CFAP47: variants seen among roughly 807,000 people sequenced by gnomAD.
The protein encoded by CFAP47 is cilia- and flagella-associated protein 47.
In CFAP47, 29 loss-of-function variants were observed where a neutral mutation model predicts 148.1. The observed-to-expected ratio is 0.20, with a 90% CI of 0.15 to 0.27. The LOEUF is 0.27. CFAP47 is among the 10% of genes least tolerant of loss of function. The probability of loss-of-function intolerance (pLI) is 1.00; values close to 1 mark genes in which losing one functional copy is unlikely to be tolerated. For missense variants in CFAP47, 1,872 were observed against 1,697.5 expected, an observed-to-expected ratio of 1.10 and a Z score of -1.81; for synonymous variants, 664 against 577.3, an observed-to-expected ratio of 1.15 and a Z score of -2.15.
chrX:36,299,798 G>C (rs1269264403), intron 52 of CFAP47, among the ~76,000 whole-genome samples: 1 of 111,627 alleles, frequency 9.0e-6, no homozygotes, highest in African/African-American at 3.3e-5. Flanking sequence ...ACATCCTTCA[G>C]AATAACTCTT....
chrX:36,229,740 C>T (rs1940317769), intron 46 of CFAP47, among the ~76,000 whole-genome samples: 1 of 106,713 alleles, frequency 9.4e-6, no homozygotes, highest in African/African-American at 3.4e-5. Context: ...AGGTATATCT[C>T]CTAAAGCTAT....
Position 36,099,478 on chromosome X carries a change from G to C in CFAP47, c.4999-273G>C, listed in dbSNP as rs1601977017. On this transcript the variant is annotated intron_variant, in intron 31 of 63. Coordinates refer to ENST00000378653, the MANE Select transcript of CFAP47 (RefSeq NM_001304548.2). ...TATCCAAAGGGTGTGATTCTTTCTT[G>C]GCTCAGCAATCAGAAGAACTTCGTA... Among the ~76,000 whole-genome samples, 3 of 106,496 alleles carry C rather than the reference G, an allele frequency of 2.8e-5. No homozygotes were observed. In the Admixed American group the frequency reaches 3.2e-4, roughly 11 times the overall value. The allele number at this position is 106,496 out of a possible 115,157, so 92.5% of individuals were successfully genotyped here.
chrX:36,094,342 T>C (rs1938238132), intron 30 of CFAP47, among the ~76,000 whole-genome samples: 1 of 111,468 alleles, frequency 9.0e-6, no homozygotes. Context: ...TTAAGATAGC[T>C]TTGGCTATTC....
intron 49 of CFAP47, among the ~76,000 whole-genome samples, chrX:36,275,868 C>T (rs782538128): frequency 1.5e-4 from 17 of 111,106 alleles, no homozygotes; most frequent in African/African-American, 5.2e-4. Context: ...TCAATATCCT[C>T]ACAGTTTTGT....
rs760584209 is a variant in CFAP47 at position 35,973,221 on chromosome X, G to A, written c.2254+1256G>A. Among the ~76,000 whole-genome samples, 423 of 110,801 alleles carry A rather than the reference G, an allele frequency of 3.8e-3. 1 individual carries two copies. Among genetic ancestry groups the A allele is most frequent in the Middle Eastern group, 9.3e-3 (2 of 214 alleles). On this transcript the variant is annotated intron_variant, in intron 13 of 63. Coordinates refer to ENST00000378653, the MANE Select transcript of CFAP47 (RefSeq NM_001304548.2). ...TATTTATTTATTGCGACGGAGTCTC[G>A]CTCTGTCGCCCAGGCTGGAGTGCAG...
At chrX:36,096,747 G>A (rs1174472346) in intron 30 of CFAP47, among the ~76,000 whole-genome samples, 2 of 110,045 alleles carry the variant, frequency 1.8e-5, no homozygotes, top group African/African-American at 3.3e-5. Flanking sequence ...TATAGGTGAA[G>A]TGTGTTTCTT....
intron 37 of CFAP47, 140 bp from the exon 38 acceptor site, chrX:36,159,286 T>C: frequency 3.5e-6 from 1 of 286,465 alleles, no homozygotes; most frequent in Non-Finnish European, 6.1e-6. Context: ...ATAACTAGAT[T>C]GTAGGCTTCT....
intron 62 of CFAP47, among the ~76,000 whole-genome samples, chrX:36,376,006 C>A (rs1942019469): frequency 8.9e-6 from 1 of 111,983 alleles, no homozygotes; most frequent in Non-Finnish European, 1.9e-5. Context: ...CCAGAGCAGG[C>A]AGCAATGAGG....
intron 45 of CFAP47, among the ~76,000 whole-genome samples, chrX:36,223,141 C>A (rs1462241050): frequency 9.0e-6 from 1 of 111,312 alleles, no homozygotes; most frequent in Non-Finnish European, 1.9e-5. Flanking sequence ...TTTCCTGAGT[C>A]CTCCCCAGAA....
At chrX:36,126,833 T>A (rs1569267016) in intron 33 of CFAP47, among the ~76,000 whole-genome samples, 2 of 112,661 alleles carry the variant, frequency 1.8e-5, no homozygotes, top group Admixed American at 1.9e-4. Flanking sequence ...TGACTTGCAT[T>A]TCTCTAATGA....
At chrX:36,032,059 T>C (rs967597406) in intron 23 of CFAP47, among the ~76,000 whole-genome samples, 3 of 111,252 alleles carry the variant, frequency 2.7e-5, no homozygotes, top group Non-Finnish European at 5.7e-5. Flanking sequence ...AATGTGACTG[T>C]TTAGAGTATC....
intron 2 of CFAP47, 58 bp downstream of exon 2, chrX:35,926,226 G>T (rs905154431): frequency 7.5e-6 from 7 of 935,533 alleles, no homozygotes; most frequent in Middle Eastern, 6.0e-4. Flanking sequence ...TAAAAATGAG[G>T]GTCAAAGTAA....
At chrX:36,213,186 C>T (rs1343353374) in intron 45 of CFAP47, among the ~76,000 whole-genome samples, 1 of 111,691 alleles carries the variant, frequency 9.0e-6, no homozygotes, top group Admixed American at 9.6e-5. Context: ...TTGAGGATTA[C>T]ATTTTATGGT....
chrX:35,996,036 G>A lies in CFAP47; in HGVS notation c.3100-1276G>A, dbSNP rs150459457. ...GAATGAATTTATGGTTTCAGAGGTT[G>A]TGCATTTATGAGGAGTGATGTTGTC... On this transcript the variant is annotated intron_variant, in intron 18 of 63. Transcript: ENST00000378653. Among the ~76,000 whole-genome samples the A allele has an allele frequency of 8.2e-3, 915 of 110,957 alleles. 10 individuals carry two copies. The highest frequency in any genetic ancestry group is 0.024 in the African/African-American group (721 of 30,499).
At chrX:36,274,501 T>G (rs1028595056) in intron 49 of CFAP47, among the ~76,000 whole-genome samples, 1 of 111,800 alleles carries the variant, frequency 8.9e-6, no homozygotes, top group Non-Finnish European at 1.9e-5. Context: ...ATAAGCCTCT[T>G]TGCAAATTGA....
At chrX:35,980,540 C>G (rs1251688992) in intron 15 of CFAP47, among the ~76,000 whole-genome samples, 1 of 112,163 alleles carries the variant, frequency 8.9e-6, no homozygotes, top group Non-Finnish European at 1.9e-5. Context: ...GATCATCTTT[C>G]ATGTCACAAT....
chrX:35,930,513 C>A (rs745978819), intron 2 of CFAP47, among the ~76,000 whole-genome samples: 2 of 111,061 alleles, frequency 1.8e-5, no homozygotes, highest in East Asian at 5.6e-4. Flanking sequence ...TCTAGAAGAG[C>A]TTATTTAATA....
intron 33 of CFAP47, among the ~76,000 whole-genome samples, chrX:36,123,128 C>T (rs1475488388): frequency 8.9e-6 from 1 of 112,083 alleles, no homozygotes; most frequent in Non-Finnish European, 1.9e-5. Context: ...CTCTTGTTCT[C>T]TTTCTTTACT....
At chrX:36,373,496 A>G (rs782001165) in intron 62 of CFAP47, among the ~76,000 whole-genome samples, 4 of 110,790 alleles carry the variant, frequency 3.6e-5, no homozygotes, top group Non-Finnish European at 5.7e-5. Flanking sequence ...TTTTCTACAT[A>G]TAGGAACACA....
Sources: gnomAD v4.1 joint callset for allele counts (sites outside exome capture counted in the v4.1 genomes callset) on GRCh38, gnomAD v4.1.1 for gene constraint, MANE v1.5 for transcripts, NCBI Gene and HGNC (gene_info 2026-07-23, HGNC 2026-07-21) for gene names.